Variants in PEX3 observed in about 807,000 individuals in gnomAD.
The protein encoded by PEX3 is peroxisomal biogenesis factor 3.
Under a neutral mutation model 55.8 loss-of-function variants are expected in PEX3, and 30 were observed. That is an observed-to-expected ratio of 0.54 (90% CI 0.40 to 0.73). The LOEUF (loss-of-function observed/expected upper bound fraction) is 0.73. PEX3 is among the 30% of genes least tolerant of loss of function. PEX3 has a pLI of 0.00. For missense variants in PEX3, 351 were observed against 432.8 expected, an observed-to-expected ratio of 0.81 and a Z score of 1.68; for synonymous variants, 135 against 148.4, an observed-to-expected ratio of 0.91 and a Z score of 0.66.
At chr6:143,474,687 C>T (rs1037128870) in intron 8 of PEX3, 99 bp from the exon 9 acceptor site, 2 of 776,752 alleles carry the variant, frequency 2.6e-6, no homozygotes, top group Non-Finnish European at 4.7e-6. Context: ...AGAACATAGA[C>T]TTAGATTTCC....
rs1039790184 is a variant in PEX3 at position 143,487,345 on chromosome 6, A to C, written c.1039-1798A>C. On this transcript the variant is annotated intron_variant, in intron 11 of 11. Transcript: ENST00000367591. The surrounding 1 kb of genome is among the most constrained non-coding windows in gnomAD (Gnocchi z 5.3). ...ATCCAGCCAAGCACCAGCTTTTGTA[A>C]GTTTTATTGGGTGACAGCATGCCCA... Among the ~76,000 whole-genome samples, 11 of 152,238 alleles carry C rather than the reference A, an allele frequency of 7.2e-5. 2 individuals carry two copies. The highest frequency in any genetic ancestry group is 1.9e-4 in the East Asian group (1 of 5,190).
chr6:143,472,974 T>C, intron 8 of PEX3, among the ~76,000 whole-genome samples: 1 of 152,212 alleles, frequency 6.6e-6, no homozygotes, highest in East Asian at 1.9e-4. Flanking sequence ...TTAAAAATAA[T>C]AGAAATGCCA....
rs1308559831 is a variant in PEX3 at position 143,464,622 on chromosome 6, G to A, written c.287+1625G>A. ...TCTGGAGAATTTAAGGTGGGCCACAGTTCTCCTCATTCAGTTTCCTCTTTA... is the reference window on the plus strand; with the variant it reads ...TCTGGAGAATTTAAGGTGGGCCACAATTCTCCTCATTCAGTTTCCTCTTTA... On this transcript the variant is annotated intron_variant, in intron 3 of 11. Coordinates refer to ENST00000367591, the MANE Select transcript of PEX3 (RefSeq NM_003630.3). This position sits in a 1 kb window ranked among gnomAD's most constrained non-coding sequence, Gnocchi z 5.8. Among the ~76,000 whole-genome samples, 2 of 151,858 alleles carry A rather than the reference G, an allele frequency of 1.3e-5. No individual in the cohort carries two copies. Among genetic ancestry groups the A allele is most frequent in the Admixed American group, 6.6e-5 (1 of 15,240 alleles).
At position 143,459,717 on chromosome 6, in the gene PEX3, A is replaced by C. The variant is rs896251251; in HGVS notation, c.205+501A>C. On this transcript the variant is annotated intron_variant, in intron 2 of 11. Coordinates refer to ENST00000367591, the MANE Select transcript of PEX3 (RefSeq NM_003630.3). The surrounding 1 kb of genome is among the most constrained non-coding windows in gnomAD (Gnocchi z 4.2). ...AAGCTTGGTACTCTCAGGACACAGC[A>C]AAAAGGCCATGTAGCTAGAGCAGAA... is the stretch of plus-strand genomic sequence containing the variant. Among the ~76,000 whole-genome samples, 24 of 152,342 alleles carry C rather than the reference A, an allele frequency of 1.6e-4. No individual in the cohort carries two copies. Among genetic ancestry groups the C allele is most frequent in the Admixed American group, 7.2e-4 (11 of 15,308 alleles).
chr6:143,473,537 G>A (rs1272586317), intron 8 of PEX3, among the ~76,000 whole-genome samples: 1 of 152,098 alleles, frequency 6.6e-6, no homozygotes, highest in African/African-American at 2.4e-5. Context: ...AAGATTGAAA[G>A]GACACATAGA....
chr6:143,478,982 T>G lies in PEX3; in HGVS notation c.819-94T>G, dbSNP rs189685434. On this transcript the variant is annotated intron_variant, in intron 9 of 11. Transcript: ENST00000367591. The stretch of plus-strand genomic sequence containing the variant: ...CAGTATTAGATTATGACTAGAAATG[T>G]TGGTGGCTTTCAAAGGTAACCACGT... 9 of 731,094 alleles carry G rather than the reference T, an allele frequency of 1.2e-5. No individual in the cohort carries two copies. The Admixed American group carries it at 1.8e-4, about 15-fold the overall frequency. 45.3% of individuals were successfully genotyped at this position (731,094 alleles called of 1,614,324 possible).
In PEX3 at chr6:143,471,201, GTGAACTT is replaced by G. The variant is rs1368913057; in HGVS notation, c.456+118_456+124del. On this transcript the variant is annotated intron_variant, in intron 5 of 11. Transcript: ENST00000367591. The surrounding 1 kb of genome is among the most constrained non-coding windows in gnomAD (Gnocchi z 5.4). ...AAATATTTTTATATTTCATGTGATT[GTGAACTT>G]TTAGTATTATGAATAATTTTTATAT... 2 of 1,095,496 alleles carry G rather than the reference GTGAACTT, an allele frequency of 1.8e-6. No individual in the cohort carries two copies. Among genetic ancestry groups the G allele is most frequent in the East Asian group, 5.1e-5 (2 of 39,230 alleles). The allele number at this position is 1,095,496 out of a possible 1,614,324, so 67.9% of individuals were successfully genotyped here. A position where few individuals can be genotyped will look rare whatever the true frequency, so the allele number is the denominator to read the frequency against.
rs1157499530 is a variant in PEX3 at position 143,464,702 on chromosome 6, T to C, written c.287+1705T>C. Among the ~76,000 whole-genome samples the C allele has an allele frequency of 6.6e-6, 1 of 151,818 alleles. No homozygotes were observed. Among genetic ancestry groups the C allele is most frequent in the Non-Finnish European group, 1.5e-5 (1 of 67,814 alleles). On this transcript the variant is annotated intron_variant, in intron 3 of 11. Transcript: ENST00000367591. The surrounding 1 kb of genome is among the most constrained non-coding windows in gnomAD (Gnocchi z 5.8). ...TCTTTTGATTTGAAATTACTATTTG[T>C]AATTTGGTGGGGGGAGAAGGGTAAT...
At chr6:143,468,965 T>A (rs778084673) in intron 4 of PEX3, among the ~76,000 whole-genome samples, 5 of 152,078 alleles carry the variant, frequency 3.3e-5, no homozygotes, top group Non-Finnish European at 7.4e-5. Context: ...AGAATGATGG[T>A]TTCCAGCTTC....
In PEX3 at chr6:143,485,159, A is replaced by G. The variant is rs1193114372; in HGVS notation, c.949A>G (p.Ser317Gly). Residue 317 changes from serine (S) to glycine (G), a missense_variant, in exon 11 of 12, where the codon AGT becomes GGT. Physicochemically the swap from Ser to Gly is moderately conservative, Grantham distance 56. Coordinates refer to ENST00000367591, the MANE Select transcript of PEX3 (RefSeq NM_003630.3). The surrounding 1 kb of genome is among the most constrained non-coding windows in gnomAD (Gnocchi z 5.6). ...QHGNSMNSLS[S>G]VSLPLAKIIP... ...ACTGTAATGATTTTTCAGTCTTTCC[A>G]GTGTCAGCCTGCCTTTAGCTAAGAT... 8.8e-6 allele frequency: 14 copies of G among 1,583,904 alleles called. No individual in the cohort carries two copies. The East Asian group carries it at 2.0e-4, about 23-fold the overall frequency.
rs988615816 is a variant in PEX3, at chr6:143,463,771, G to A, written c.287+774G>A. ...AGTTCTATTTCTAAACTGTCTCACTGTGCTAGCCCTGGTGCTAGGTACCTT... is the reference window on the plus strand; with the variant it reads ...AGTTCTATTTCTAAACTGTCTCACTATGCTAGCCCTGGTGCTAGGTACCTT... On this transcript the variant is annotated intron_variant, in intron 3 of 11. Coordinates refer to ENST00000367591, the MANE Select transcript of PEX3 (RefSeq NM_003630.3). The surrounding 1 kb of genome is among the most constrained non-coding windows in gnomAD (Gnocchi z 5.7). Among the ~76,000 whole-genome samples, 1 of 152,146 alleles carries A rather than the reference G, an allele frequency of 6.6e-6. No homozygotes were observed. Among genetic ancestry groups the A allele is most frequent in the Admixed American group, 6.5e-5 (1 of 15,276 alleles).
At chr6:143,481,657 C>A (rs943324281) in intron 10 of PEX3, among the ~76,000 whole-genome samples, 6 of 151,846 alleles carry the variant, frequency 4.0e-5, no homozygotes, top group Admixed American at 3.9e-4. Flanking sequence ...AAAAGACATT[C>A]AATAAAACAA....
In PEX3 at chr6:143,471,528, G is replaced by A. The variant is rs1248701556; in HGVS notation, c.524-29G>A. On this transcript the variant is annotated intron_variant, in intron 6 of 11. Coordinates refer to ENST00000367591, the MANE Select transcript of PEX3 (RefSeq NM_003630.3). The surrounding 1 kb of genome is among the most constrained non-coding windows in gnomAD (Gnocchi z 5.4). ...ATTGAGGAATTTTTAAACTAAGCAA[G>A]GCTTTTAGGTTTGTTTTTTCTTTAA... The A allele has an allele frequency of 6.9e-6, 11 of 1,590,480 alleles. No individual in the cohort carries two copies. The highest frequency in any genetic ancestry group is 9.5e-6 in the Non-Finnish European group (11 of 1,159,196).
rs1780314508 is a variant in PEX3 at position 143,485,700 on chromosome 6, A to T, written c.1038+452A>T. ...ATCAATAATATGCTCACTAAAAGCC[A>T]CATAAACAGTGGGTCATTTAAATGT... On this transcript the variant is annotated intron_variant, in intron 11 of 11. Coordinates refer to ENST00000367591, the MANE Select transcript of PEX3 (RefSeq NM_003630.3). The surrounding 1 kb of genome is among the most constrained non-coding windows in gnomAD (Gnocchi z 5.6). Among the ~76,000 whole-genome samples, 1 of 152,124 alleles carries T rather than the reference A, an allele frequency of 6.6e-6. No individual in the cohort carries two copies. The highest frequency in any genetic ancestry group is 6.6e-5 in the Admixed American group (1 of 15,252).
intron 2 of PEX3, among the ~76,000 whole-genome samples, chr6:143,460,114 C>T (rs1000771879): frequency 1.3e-5 from 2 of 152,136 alleles, no homozygotes; most frequent in Non-Finnish European, 2.9e-5. Flanking sequence ...AATTTAGAAA[C>T]AATTTATAAA....
rs903330475 is a variant in PEX3, at chr6:143,466,451, A to C, written c.288-1671A>C. 1.2e-4 allele frequency among the ~76,000 whole-genome samples: 18 copies of C among 152,188 alleles called. No homozygotes were observed. Among genetic ancestry groups the C allele is most frequent in the African/African-American group, 4.3e-4 (18 of 41,556 alleles). ...TTTATTTTACTTAATAATGGCCCCA[A>C]AGTGCCAGAGTAATGATGCTGGCAT... On this transcript the variant is annotated intron_variant, in intron 3 of 11. Transcript: ENST00000367591. This position sits in a 1 kb window ranked among gnomAD's most constrained non-coding sequence, Gnocchi z 5.4.
intron 9 of PEX3, among the ~76,000 whole-genome samples, chr6:143,477,948 A>G (rs1159750976): frequency 1.3e-5 from 2 of 152,160 alleles, no homozygotes; most frequent in East Asian, 3.8e-4. Context: ...AAAGAATGAA[A>G]ACATCTCTAG....
rs161056 is a variant in PEX3 at position 143,486,521 on chromosome 6, C to G, written c.1038+1273C>G. Among the ~76,000 whole-genome samples the G allele has an allele frequency of 0.49, 74,574 of 152,010 alleles. 20,408 individuals are homozygous for G. Among genetic ancestry groups the G allele is most frequent in the African/African-American group, 0.74 (30,501 of 41,484 alleles). ...TACTAATGTTTAGTAAAGTTTTTTACTGTAACTGGATGTATATTAAATGTA... is the reference window on the plus strand; with the variant it reads ...TACTAATGTTTAGTAAAGTTTTTTAGTGTAACTGGATGTATATTAAATGTA... On this transcript the variant is annotated intron_variant, in intron 11 of 11. Transcript: ENST00000367591. The surrounding 1 kb of genome is among the most constrained non-coding windows in gnomAD (Gnocchi z 5.0).
At chr6:143,480,318 A>C (rs1780217549) in intron 10 of PEX3, among the ~76,000 whole-genome samples, 1 of 152,354 alleles carries the variant, frequency 6.6e-6, no homozygotes, top group Non-Finnish European at 1.5e-5. Context: ...GTTATTTTGC[A>C]AGTAGTGATA....
Sources: allele counts gnomAD v4.1 joint callset (sites outside exome capture counted in the v4.1 genomes callset), GRCh38; gene constraint gnomAD v4.1.1; non-coding constraint Gnocchi (gnomAD v3.1); transcripts MANE v1.5; gene names NCBI Gene and HGNC (gene_info 2026-07-23, HGNC 2026-07-21).